The following CCDC102B variants were observed in gnomAD, a reference collection of about 807,000 sequenced individuals.
CCDC102B encodes the protein coiled-coil domain containing 102B, also known as coiled-coil domain-containing protein 102B.
In CCDC102B, 75 loss-of-function variants were observed where a neutral mutation model predicts 57.4. That is an observed-to-expected ratio of 1.31 (90% CI 1.08 to 1.58). CCDC102B has a LOEUF of 1.58. CCDC102B is among the 40% of genes most tolerant of loss of function. The pLI, the probability that CCDC102B is intolerant of heterozygous loss-of-function variation, is 0.00. For missense variants in CCDC102B, 636 were observed against 582.6 expected (o/e 1.09, Z -0.94); for synonymous variants, 206 against 201.9 (o/e 1.02, Z -0.17).
intron 6 of CCDC102B, among the ~76,000 whole-genome samples, chr18:68,928,073 T>C (rs1476550445): frequency 3.9e-5 from 6 of 151,912 alleles, no homozygotes; most frequent in African/African-American, 1.4e-4. Context: ...AGCTCCTCTC[T>C]TTTCTAAGCC....
chr18:68,999,839 T>C (rs2051152586), intron 6 of CCDC102B, among the ~76,000 whole-genome samples: 1 of 152,166 alleles, frequency 6.6e-6, no homozygotes, highest in Non-Finnish European at 1.5e-5. Flanking sequence ...ACACTTTTGT[T>C]CATTTTTTTC....
intron 7 of CCDC102B, among the ~76,000 whole-genome samples, chr18:69,027,126 G>A (rs1443488967): frequency 6.6e-6 from 1 of 152,304 alleles, no homozygotes; most frequent in African/African-American, 2.4e-5. Context: ...TTTAAAAATG[G>A]TCGTTTTCCA....
At chr18:68,896,303 C>T (rs2040239457) in intron 5 of CCDC102B, among the ~76,000 whole-genome samples, 1 of 151,872 alleles carries the variant, frequency 6.6e-6, no homozygotes, top group Non-Finnish European at 1.5e-5. Context: ...AACTTAAAGA[C>T]ATTAAAATAA....
At chr18:68,810,805 A>G (rs985183839) in intron 1 of CCDC102B, among the ~76,000 whole-genome samples, 1 of 148,256 alleles carries the variant, frequency 6.7e-6, no homozygotes, top group East Asian at 2.0e-4. Flanking sequence ...TGCATCTTCT[A>G]CATTAGGTAT....
At chr18:68,882,738 A>T (rs1384510679) in intron 5 of CCDC102B, among the ~76,000 whole-genome samples, 1 of 152,138 alleles carries the variant, frequency 6.6e-6, no homozygotes, top group Non-Finnish European at 1.5e-5. Context: ...AATTTTTTAC[A>T]TCTGGAAAAT....
At position 68,742,368 on chromosome 18, in the gene CCDC102B, A is replaced by G. The variant is rs139346168; in HGVS notation, c.-67+25774A>G. ...TAAAGGCCCACCCTACTCCATTGTG[A>G]CCTCAACTAAATTACATCTTAATTA... On this transcript the variant is annotated intron_variant, in intron 2 of 3. Transcript: ENST00000578970. Among the ~76,000 whole-genome samples, 1,449 of 152,242 alleles carry G rather than the reference A, an allele frequency of 9.5e-3. 29 individuals are homozygous for G. The highest frequency in any genetic ancestry group is 0.028 in the African/African-American group (1,155 of 41,528).
rs114084566 is a variant in CCDC102B at position 68,871,300 on chromosome 18, G to T, written c.937-3369G>T. ...ACCTTATAGAGTATTTTCTATTTCT[G>T]TCCCTTTCAACTTAACGAATGTGAT... On this transcript the variant is annotated intron_variant, in intron 4 of 7. Coordinates refer to ENST00000360242, the MANE Select transcript of CCDC102B (RefSeq NM_024781.3). Among the ~76,000 whole-genome samples the T allele has an allele frequency of 3.0e-3, 457 of 152,204 alleles. 3 individuals carry two copies. Among genetic ancestry groups the T allele is most frequent in the African/African-American group, 0.011 (438 of 41,544 alleles).
intron 2 of CCDC102B, among the ~76,000 whole-genome samples, chr18:68,752,841 T>C (rs1443771652): frequency 2.6e-5 from 4 of 152,186 alleles, no homozygotes; most frequent in African/African-American, 9.6e-5. Flanking sequence ...TCTTGGTGTA[T>C]ATTTCTTATT....
At chr18:68,765,375 A>AAGAG (rs1568239039) in intron 2 of CCDC102B, among the ~76,000 whole-genome samples, 2 of 143,812 alleles carry the variant, frequency 1.4e-5, no homozygotes, top group Non-Finnish European at 3.1e-5. Context: ...GAAAGAAAGA[A>AAGAG]AGAAAAGAAA....
chr18:68,890,142 A>G (rs763027807), intron 5 of CCDC102B, among the ~76,000 whole-genome samples: 3 of 152,098 alleles, frequency 2.0e-5, no homozygotes, highest in African/African-American at 7.2e-5. Flanking sequence ...TTACCATTAA[A>G]TGTTCATTGC....
chr18:68,857,055 A>T (rs1402323212), intron 4 of CCDC102B, among the ~76,000 whole-genome samples: 4 of 119,582 alleles, frequency 3.3e-5, no homozygotes, highest in Admixed American at 1.1e-4. Flanking sequence ...TATAATATAT[A>T]AATATATTTT....
At chr18:68,736,697 C>T (rs2033144467) in intron 2 of CCDC102B, among the ~76,000 whole-genome samples, 1 of 152,012 alleles carries the variant, frequency 6.6e-6, no homozygotes, top group Admixed American at 6.6e-5. Flanking sequence ...ACTCAGAAAC[C>T]TGTGATAAAC....
intron 5 of CCDC102B, among the ~76,000 whole-genome samples, chr18:68,891,413 G>C (rs1174199753): frequency 6.6e-6 from 1 of 152,024 alleles, no homozygotes; most frequent in Admixed American, 6.6e-5. Context: ...TACAGTTTTT[G>C]CTTTTCCATG....
chr18:68,969,162 C>A (rs1218614833), intron 6 of CCDC102B, among the ~76,000 whole-genome samples: 1 of 152,130 alleles, frequency 6.6e-6, no homozygotes, highest in Non-Finnish European at 1.5e-5. Flanking sequence ...CCAGGCCATG[C>A]TAACGTAATG....
chr18:68,778,618 A>C (rs1472682820), intron 2 of CCDC102B, among the ~76,000 whole-genome samples: 1 of 152,132 alleles, frequency 6.6e-6, no homozygotes, highest in Non-Finnish European at 1.5e-5. Flanking sequence ...AGTTAACTGA[A>C]ATATGTTTAT....
chr18:68,927,015 C>T (rs777302324), intron 6 of CCDC102B, among the ~76,000 whole-genome samples: 12 of 151,830 alleles, frequency 7.9e-5, no homozygotes, highest in Non-Finnish European at 1.5e-4. Context: ...AAAGCCTATA[C>T]GATAAATGAG....
At chr18:68,854,993 G>A (rs2038316280) in intron 4 of CCDC102B, among the ~76,000 whole-genome samples, 2 of 152,156 alleles carry the variant, frequency 1.3e-5, no homozygotes, top group Admixed American at 1.3e-4. Context: ...GAAAATATTT[G>A]CACAGGTCAG....
chr18:68,897,551 G>T (rs1436517139), intron 6 of CCDC102B, 123 bp downstream of exon 6: 4 of 1,555,636 alleles, frequency 2.6e-6, no homozygotes, highest in Non-Finnish European at 3.5e-6. Context: ...GCTAATACCT[G>T]ATACTCCTTG....
chr18:68,850,987 T>A (rs1371623039), intron 4 of CCDC102B, among the ~76,000 whole-genome samples: 1 of 152,106 alleles, frequency 6.6e-6, no homozygotes. Flanking sequence ...TTTATCAAAC[T>A]GTGTGGTTAT....
Sources: gnomAD v4.1 joint callset for allele counts (sites outside exome capture counted in the v4.1 genomes callset) on GRCh38, gnomAD v4.1.1 for gene constraint, MANE v1.5 for transcripts, NCBI Gene and HGNC (gene_info 2026-07-23, HGNC 2026-07-21) for gene names.